Variants in STK39 observed in about 807,000 individuals in gnomAD.
The protein encoded by STK39 is STE20/SPS1-related proline-alanine-rich protein kinase.
Under a neutral mutation model 77.8 loss-of-function variants are expected in STK39, and 20 were observed. The observed-to-expected ratio is 0.26, with a 90% CI of 0.18 to 0.37. The LOEUF is 0.37. STK39 is among the 10% of genes least tolerant of loss of function. The pLI, the probability that STK39 is intolerant of heterozygous loss-of-function variation, is 1.00. For synonymous variants in STK39, 246 were observed against 234.1 expected (o/e 1.05, Z -0.47); for missense variants, 479 against 656.5 (o/e 0.73, Z 2.95).
At chr2:168,029,503 A>C (rs1164845545) in intron 14 of STK39, among the ~76,000 whole-genome samples, 1 of 152,232 alleles carries the variant, frequency 6.6e-6, no homozygotes, top group African/African-American at 2.4e-5. Context: ...GGTGCTGAAG[A>C]CACAATATTA....
In STK39 at chr2:168,026,357, A is replaced by C. The variant is rs568688413; in HGVS notation, c.1377-9262T>G. ...TCCGAGGTAAAGGTCCAATCACAGAATCATATAATTTTACAACTGAAAGAG... is the reference window on the plus strand; with the variant it reads ...TCCGAGGTAAAGGTCCAATCACAGACTCATATAATTTTACAACTGAAAGAG... On this transcript the variant is annotated intron_variant, in intron 14 of 17. Transcript: ENST00000355999. Among the ~76,000 whole-genome samples, 16 of 152,314 alleles carry C rather than the reference A, an allele frequency of 1.1e-4. No homozygotes were observed. In the Middle Eastern group the frequency reaches 0.017, roughly 162 times the overall value.
intron 10 of STK39, among the ~76,000 whole-genome samples, chr2:168,083,631 C>T (rs1437294395): frequency 6.6e-6 from 1 of 152,016 alleles, no homozygotes; most frequent in Non-Finnish European, 1.5e-5. Context: ...AGGGTAGCTG[C>T]TAGAGCATTA....
chr2:167,983,788 T>G (rs1229793024), intron 16 of STK39, among the ~76,000 whole-genome samples: 1 of 152,148 alleles, frequency 6.6e-6, no homozygotes, highest in South Asian at 2.1e-4. Context: ...AACTGAAATA[T>G]GGATTTAAGC....
rs143741387 is a variant in STK39 at position 168,012,511 on chromosome 2, G to T, written c.1498+123C>A. 4,014 of 759,632 alleles carry T rather than the reference G, an allele frequency of 5.3e-3. 18 individuals carry two copies. Among genetic ancestry groups the T allele is most frequent in the Non-Finnish European group, 7.2e-3 (3,382 of 467,564 alleles). The allele number at this position is 759,632 out of a possible 1,614,324, so 47.1% of individuals were successfully genotyped here. Reference sequence around the variant, plus strand: ...AAATATACTTCTACATAAAAGATAAGAATTCAAGAAGAATTCTTCAAATAT... The same window carrying T: ...AAATATACTTCTACATAAAAGATAATAATTCAAGAAGAATTCTTCAAATAT... On this transcript the variant is annotated intron_variant, in intron 16 of 17. Coordinates refer to ENST00000355999, the MANE Select transcript of STK39 (RefSeq NM_013233.3).
chr2:168,195,364 C>T (rs1178827034), intron 1 of STK39, among the ~76,000 whole-genome samples: 2 of 152,208 alleles, frequency 1.3e-5, no homozygotes, highest in Non-Finnish European at 2.9e-5. Context: ...GGCACTACTG[C>T]ACTCCAGCCT....
chr2:168,073,706 G>T (rs1686001919), intron 12 of STK39, among the ~76,000 whole-genome samples: 1 of 152,106 alleles, frequency 6.6e-6, no homozygotes, highest in Non-Finnish European at 1.5e-5. Context: ...TCAGCTCACT[G>T]CAACCTCCAC....
At chr2:168,095,623 C>CTTTTTTTT (rs567675524) in intron 10 of STK39, among the ~76,000 whole-genome samples, 11 of 116,068 alleles carry the variant, frequency 9.5e-5, no homozygotes, top group South Asian at 2.7e-4. Context: ...GTATCTCTTT[C>CTTTTTTTT]TTTTTTTTTT....
chr2:168,152,717 C>A (rs976502327), intron 5 of STK39, among the ~76,000 whole-genome samples: 12 of 152,104 alleles, frequency 7.9e-5, no homozygotes, highest in African/African-American at 2.2e-4. Flanking sequence ...AAGGAGAGCA[C>A]CAGGTAAGTA....
chr2:168,236,943 C>T (rs1690628900), intron 1 of STK39, among the ~76,000 whole-genome samples: 2 of 151,990 alleles, frequency 1.3e-5, no homozygotes, highest in African/African-American at 4.8e-5. Context: ...CTTTTTGGTT[C>T]CATATGAACT....
Position 168,204,228 on chromosome 2 carries a change from G to A in STK39, c.209-22138C>T, listed in dbSNP as rs186767085. Among the ~76,000 whole-genome samples the A allele has an allele frequency of 2.2e-3, 334 of 152,226 alleles. 3 individuals carry two copies. Among genetic ancestry groups the A allele is most frequent in the African/African-American group, 7.4e-3 (308 of 41,520 alleles). On this transcript the variant is annotated intron_variant, in intron 1 of 17. Transcript: ENST00000355999. ...TGCTGGGAACTGCACATAAAGCGAG[G>A]TCACCCTACCTTGCCGCACCCCGTG...
intron 16 of STK39, among the ~76,000 whole-genome samples, chr2:167,970,763 A>G (rs1243356043): frequency 2.6e-5 from 4 of 152,240 alleles, no homozygotes; most frequent in Admixed American, 2.0e-4. Flanking sequence ...CTCAGCAGCC[A>G]TACTTCAACC....
chr2:168,085,611 G>A (rs758491876), intron 10 of STK39, among the ~76,000 whole-genome samples: 3 of 152,172 alleles, frequency 2.0e-5, no homozygotes, highest in Non-Finnish European at 4.4e-5. Context: ...TGAAACTTTT[G>A]GAGAGTCTTA....
intron 14 of STK39, among the ~76,000 whole-genome samples, chr2:168,022,918 A>AT (rs770505242): frequency 2.7e-4 from 41 of 152,140 alleles, no homozygotes; most frequent in Non-Finnish European, 5.3e-4. Context: ...CGTTTTTTTC[A>AT]TTTTTTGGAT....
intron 5 of STK39, among the ~76,000 whole-genome samples, chr2:168,155,052 G>C (rs1263921818): frequency 6.6e-6 from 1 of 152,172 alleles, no homozygotes; most frequent in Non-Finnish European, 1.5e-5. Flanking sequence ...AAAAAAGAGA[G>C]GGAAGGAGGG....
chr2:168,127,100 G>A (rs1350597301), intron 10 of STK39, among the ~76,000 whole-genome samples: 3 of 152,168 alleles, frequency 2.0e-5, no homozygotes, highest in Non-Finnish European at 4.4e-5. Context: ...GATGCAAACT[G>A]GGGTTTGGAA....
In STK39 at chr2:168,247,253, G is replaced by A; in HGVS notation, c.183C>T (p.Asp61=). 2 of 1,135,738 alleles carry A rather than the reference G, an allele frequency of 1.8e-6. No homozygotes were observed. Among genetic ancestry groups the A allele is most frequent in the Non-Finnish European group, 2.2e-6 (2 of 928,100 alleles). The allele number at this position is 1,135,738 out of a possible 1,614,324, so 70.4% of individuals were successfully genotyped here. Residue 61 remains aspartate, a synonymous_variant, in exon 1 of 18, where the codon GAC becomes GAT. Coordinates refer to ENST00000355999, the MANE Select transcript of STK39 (RefSeq NM_013233.3). ...AQAVGWPICR[D]AYELQEVIGS... Reference sequence around the variant, plus strand: ...CGATAACCTCCTGCAGCTCGTACGCGTCCCTGCAGATGGGCCAGCCGACAG... The same window carrying A: ...CGATAACCTCCTGCAGCTCGTACGCATCCCTGCAGATGGGCCAGCCGACAG...
intron 2 of STK39, among the ~76,000 whole-genome samples, chr2:168,167,794 C>A (rs1688726897): frequency 6.6e-6 from 1 of 152,204 alleles, no homozygotes. Flanking sequence ...CACCTGCATC[C>A]TGGTGCCAGC....
chr2:168,053,815 A>C (rs1182614963), intron 14 of STK39, among the ~76,000 whole-genome samples: 1 of 152,182 alleles, frequency 6.6e-6, no homozygotes, highest in Non-Finnish European at 1.5e-5. Context: ...CTATCTCCCT[A>C]TACCATATCA....
intron 15 of STK39, among the ~76,000 whole-genome samples, chr2:168,014,135 T>C (rs1217304986): frequency 1.3e-5 from 2 of 152,184 alleles, no homozygotes; most frequent in African/African-American, 4.8e-5. Context: ...TACTAAACTA[T>C]AAAGTTCCAT....
Sources: gnomAD v4.1 joint callset for allele counts (sites outside exome capture counted in the v4.1 genomes callset) on GRCh38, gnomAD v4.1.1 for gene constraint, MANE v1.5 for transcripts, NCBI Gene and HGNC (gene_info 2026-07-23, HGNC 2026-07-21) for gene names.